Variants in RNF150 observed in about 807,000 individuals in gnomAD.
RNF150 encodes ring finger protein 150.
RNF150 carries 24 observed loss-of-function variants against 39.3 expected under a neutral mutation model. That is an observed-to-expected ratio of 0.61 (90% CI 0.44 to 0.86). The LOEUF is 0.86. RNF150 is among the 40% of genes least tolerant of loss of function. RNF150 has a pLI of 0.00. For synonymous variants in RNF150, 255 were observed against 227.3 expected (o/e 1.12, Z -1.10); for missense variants, 502 against 587.8 (o/e 0.85, Z 1.51).
intron 1 of RNF150, among the ~76,000 whole-genome samples, chr4:141,033,390 A>C (rs1578653043): frequency 6.6e-6 from 1 of 152,116 alleles, no homozygotes; most frequent in East Asian, 1.9e-4. Context: ...TTCTCTTGCT[A>C]TTTCCACATC....
intron 1 of RNF150, among the ~76,000 whole-genome samples, chr4:141,141,914 AC>A (rs751976841): frequency 1.2e-4 from 18 of 152,360 alleles, no homozygotes; most frequent in Admixed American, 5.9e-4. Context: ...CATTGGGGTG[AC>A]AAAAGTTAAG....
At chr4:141,004,964 C>A (rs1734809921) in intron 1 of RNF150, among the ~76,000 whole-genome samples, 1 of 152,032 alleles carries the variant, frequency 6.6e-6, no homozygotes, top group East Asian at 1.9e-4. Flanking sequence ...ACAACATGGG[C>A]AAAGACTCCA....
At chr4:141,164,637 TG>T (rs1271519861) in intron 1 of RNF150, among the ~76,000 whole-genome samples, 1 of 151,810 alleles carries the variant, frequency 6.6e-6, no homozygotes, top group African/African-American at 2.4e-5. Context: ...CAGAAGAGAG[TG>T]GGGGCCAATA....
chr4:141,118,240 G>T (rs1171947396), intron 1 of RNF150, among the ~76,000 whole-genome samples: 2 of 152,206 alleles, frequency 1.3e-5, no homozygotes, highest in Admixed American at 1.3e-4. Flanking sequence ...GTCACTGGCA[G>T]TTGGAGAAGG....
intron 1 of RNF150, among the ~76,000 whole-genome samples, chr4:141,002,753 G>A (rs1411378821): frequency 6.6e-6 from 1 of 152,136 alleles, no homozygotes; most frequent in Non-Finnish European, 1.5e-5. Context: ...GGGAAGCCTG[G>A]GCAAAATGAC....
At chr4:140,970,738 G>T (rs1204533998) in intron 1 of RNF150, among the ~76,000 whole-genome samples, 1 of 152,116 alleles carries the variant, frequency 6.6e-6, no homozygotes, top group Non-Finnish European at 1.5e-5. Flanking sequence ...CACCACTTGT[G>T]TTGTCTGTGC....
chr4:141,020,575 T>C (rs1735455162), intron 1 of RNF150, among the ~76,000 whole-genome samples: 1 of 152,154 alleles, frequency 6.6e-6, no homozygotes, highest in Non-Finnish European at 1.5e-5. Flanking sequence ...TATTGTCCCT[T>C]TCCTACTGCC....
chr4:140,930,788 T>C (rs1396716723), intron 4 of RNF150, among the ~76,000 whole-genome samples: 1 of 152,240 alleles, frequency 6.6e-6, no homozygotes, highest in Non-Finnish European at 1.5e-5. Flanking sequence ...AATATAGCAC[T>C]GGTTACGTCA....
chr4:141,024,941 G>A (rs548177180), intron 1 of RNF150, among the ~76,000 whole-genome samples: 1 of 152,284 alleles, frequency 6.6e-6, no homozygotes, highest in South Asian at 2.1e-4. Context: ...TCTGGTTAAT[G>A]TATAACATCT....
At chr4:141,175,259 G>T (rs914497666) in intron 1 of RNF150, among the ~76,000 whole-genome samples, 1 of 152,166 alleles carries the variant, frequency 6.6e-6, no homozygotes, top group Non-Finnish European at 1.5e-5. Context: ...TCACAGATTT[G>T]TTGAGCTCCT....
At position 140,923,742 on chromosome 4, in the gene RNF150, C is replaced by A. The variant is rs189828881; in HGVS notation, c.987+2235G>T. 2.1e-3 allele frequency among the ~76,000 whole-genome samples: 317 copies of A among 152,230 alleles called. 1 individual carries two copies. The highest frequency in any genetic ancestry group is 7.5e-3 in the African/African-American group (310 of 41,524). ...AACCCAAATGTCCAACAATGATAGA[C>A]TGTATTAAGAAAATGTGGCACATAT... On this transcript the variant is annotated intron_variant, in intron 5 of 6. Transcript: ENST00000515673.
rs989092942 is a variant in RNF150 at position 140,861,766 on chromosome 4, C to G, written c.*6495G>C. The G allele has an allele frequency of 6.6e-6, 1 of 152,188 alleles. No individual in the cohort carries two copies. The highest frequency in any genetic ancestry group is 2.4e-5 in the African/African-American group (1 of 41,444). The allele number at this position is 152,188 out of a possible 1,614,324, so 9.4% of individuals were successfully genotyped here. On this transcript the variant is annotated 3_prime_UTR_variant, in exon 7 of 7. Transcript: ENST00000515673. ...ATTCTTTGGCTATTTAAAATCTTCA[C>G]ATTCTCAAAGAGAACAATGTTCTGA...
chr4:140,909,390 T>C (rs1342999630), intron 6 of RNF150, among the ~76,000 whole-genome samples: 3 of 152,136 alleles, frequency 2.0e-5, no homozygotes, highest in Non-Finnish European at 4.4e-5. Flanking sequence ...CATAACTTTA[T>C]ATTGTCTTAA....
intron 1 of RNF150, among the ~76,000 whole-genome samples, chr4:141,158,368 T>G (rs774363608): frequency 1.1e-4 from 16 of 152,088 alleles, no homozygotes; most frequent in Non-Finnish European, 1.6e-4. Flanking sequence ...TCTGTAATCT[T>G]TTTTCAGGAG....
intron 1 of RNF150, among the ~76,000 whole-genome samples, chr4:141,051,667 C>T (rs1736781325): frequency 1.3e-5 from 2 of 152,286 alleles, no homozygotes; most frequent in East Asian, 3.9e-4. Context: ...TCTGGGACCA[C>T]CTCAGCCTGG....
At chr4:141,013,271 A>G (rs1173174218) in intron 1 of RNF150, among the ~76,000 whole-genome samples, 1 of 152,206 alleles carries the variant, frequency 6.6e-6, no homozygotes, top group Non-Finnish European at 1.5e-5. Flanking sequence ...CCACAAAAGT[A>G]TGTGGTGGAT....
chr4:140,916,833 C>G (rs2111291183), intron 5 of RNF150, among the ~76,000 whole-genome samples: 1 of 152,364 alleles, frequency 6.6e-6, no homozygotes, highest in African/African-American at 2.4e-5. Flanking sequence ...ATCAGACTAA[C>G]AGCTGATCTC....
intron 1 of RNF150, among the ~76,000 whole-genome samples, chr4:141,187,531 G>A (rs1021756140): frequency 2.6e-5 from 4 of 152,170 alleles, no homozygotes; most frequent in Admixed American, 1.3e-4. Context: ...GGATCTGGGT[G>A]CTCGTGTATT....
chr4:141,039,072 G>A (rs1736259211), intron 1 of RNF150, among the ~76,000 whole-genome samples: 1 of 152,186 alleles, frequency 6.6e-6, no homozygotes, highest in Non-Finnish European at 1.5e-5. Context: ...AAGCCCACGT[G>A]CAGTGGGTGG....
Sources: allele counts gnomAD v4.1 joint callset (sites outside exome capture counted in the v4.1 genomes callset), GRCh38; gene constraint gnomAD v4.1.1; transcripts MANE v1.5; gene names NCBI Gene and HGNC (gene_info 2026-07-23, HGNC 2026-07-21).